The following ADAMTSL3 variants were observed in gnomAD, a reference collection of about 807,000 sequenced individuals.
ADAMTSL3 encodes the protein ADAMTS like 3, also known as ADAMTS-like protein 3.
Under a neutral mutation model 201.7 loss-of-function variants are expected in ADAMTSL3, and 128 were observed. The observed-to-expected ratio is 0.63, with a 90% CI of 0.55 to 0.73. The LOEUF (loss-of-function observed/expected upper bound fraction) is 0.73. Among genes scored for constraint, ADAMTSL3 ranks in the 30% least tolerant of loss-of-function variants. The probability of loss-of-function intolerance (pLI) is 0.00; values close to 1 mark genes in which losing one functional copy is unlikely to be tolerated. For synonymous variants in ADAMTSL3, 738 were observed against 748.4 expected (o/e 0.99, Z 0.23); for missense variants, 1,990 against 2,119.6 (o/e 0.94, Z 1.20).
chr15:83,856,744 C>T (rs60699858), intron 7 of ADAMTSL3, among the ~76,000 whole-genome samples: 15,563 of 152,148 alleles, frequency 0.1, 1,011 homozygotes, highest in East Asian at 0.34. Context: ...TTCCTTTCGT[C>T]TATTGGGAAT....
At chr15:83,656,410 A>G (rs958923700) in intron 2 of ADAMTSL3, among the ~76,000 whole-genome samples, 14 of 152,366 alleles carry the variant, frequency 9.2e-5, no homozygotes, top group Admixed American at 2.0e-4. Flanking sequence ...TAACGGAGAC[A>G]GTGGCAAAGT....
rs1305278827 is a variant in ADAMTSL3, at chr15:83,988,796, A to G, written c.3822A>G (p.Glu1274=). ...CTAATCATCTTGGTTCAGATGTGGA[A>G]AGTTCTTCTGTGCTGTATGCAGGTA... is the stretch of plus-strand genomic sequence containing the variant. ...SVANHLGSDV[E]SSSVLYAEAP... is the part of the protein sequence containing the mutation. The change falls in exon 22 of 30, where the codon GAA becomes GAG. Residue 1274 remains glutamate (E), a synonymous_variant. Coordinates refer to ENST00000286744, the MANE Select transcript of ADAMTSL3 (RefSeq NM_207517.3). 1.2e-6 allele frequency: 2 copies of G among 1,603,060 alleles called. No homozygotes were observed. The highest frequency in any genetic ancestry group is 3.3e-5 in the Admixed American group (2 of 59,880).
intron 15 of ADAMTSL3, among the ~76,000 whole-genome samples, chr15:83,911,782 T>C (rs2065939814): frequency 6.6e-6 from 1 of 152,216 alleles, no homozygotes; most frequent in Non-Finnish European, 1.5e-5. Flanking sequence ...TGTGAGAACC[T>C]TACAACCCTG....
chr15:83,784,789 C>CT (rs1379785074), intron 4 of ADAMTSL3, among the ~76,000 whole-genome samples: 1 of 147,130 alleles, frequency 6.8e-6, no homozygotes, highest in Non-Finnish European at 1.5e-5. Context: ...ATGATGATTA[C>CT]TTAGGCTTTT....
chr15:83,801,172 A>G (rs2063508503), intron 4 of ADAMTSL3, among the ~76,000 whole-genome samples: 1 of 152,220 alleles, frequency 6.6e-6, no homozygotes, highest in East Asian at 1.9e-4. Context: ...AGTGTTACAA[A>G]ATATTAAGAC....
chr15:84,030,697 G>A (rs2068391334), intron 27 of ADAMTSL3, among the ~76,000 whole-genome samples: 1 of 152,216 alleles, frequency 6.6e-6, no homozygotes, highest in South Asian at 2.1e-4. Flanking sequence ...CTTTTGAAAT[G>A]TGAAAGGGAC....
intron 4 of ADAMTSL3, among the ~76,000 whole-genome samples, chr15:83,795,709 T>C (rs2063414601): frequency 6.6e-6 from 1 of 152,202 alleles, no homozygotes; most frequent in Admixed American, 6.5e-5. Context: ...ATATTATATA[T>C]ATTACATTGA....
At chr15:83,657,711 C>T (rs1303592361) in intron 2 of ADAMTSL3, among the ~76,000 whole-genome samples, 1 of 152,196 alleles carries the variant, frequency 6.6e-6, no homozygotes, top group Non-Finnish European at 1.5e-5. Context: ...AAGCGCAGTG[C>T]CTGTATTTTC....
intron 2 of ADAMTSL3, among the ~76,000 whole-genome samples, chr15:83,668,692 T>C (rs1454864947): frequency 6.6e-6 from 1 of 151,986 alleles, no homozygotes; most frequent in Non-Finnish European, 1.5e-5. Context: ...TATTTTTGAC[T>C]TTTTTTTGAG....
At chr15:83,793,912 A>G (rs2063382121) in intron 4 of ADAMTSL3, among the ~76,000 whole-genome samples, 1 of 152,226 alleles carries the variant, frequency 6.6e-6, no homozygotes, top group African/African-American at 2.4e-5. Context: ...ATATTTGAAA[A>G]TCACCTAACA....
chr15:83,947,722 A>G (rs2066680162), intron 19 of ADAMTSL3, among the ~76,000 whole-genome samples: 1 of 152,004 alleles, frequency 6.6e-6, no homozygotes, highest in Non-Finnish European at 1.5e-5. Context: ...TCTTCTTCCA[A>G]ATCTCAAAAA....
At chr15:83,796,165 C>T (rs1567150516) in intron 4 of ADAMTSL3, among the ~76,000 whole-genome samples, 1 of 152,046 alleles carries the variant, frequency 6.6e-6, no homozygotes, top group African/African-American at 2.4e-5. Context: ...ACTGTCATTG[C>T]TTGTATTCAT....
intron 3 of ADAMTSL3, among the ~76,000 whole-genome samples, chr15:83,712,108 T>A (rs188647754): frequency 2.2e-4 from 34 of 152,320 alleles, no homozygotes; most frequent in Admixed American, 1.8e-3. Context: ...AGCCTTCAAG[T>A]GCTTTGAGAT....
intron 17 of ADAMTSL3, among the ~76,000 whole-genome samples, chr15:83,927,855 C>T (rs923810463): frequency 3.9e-5 from 6 of 152,102 alleles, no homozygotes; most frequent in Non-Finnish European, 8.8e-5. Context: ...TCCAGTCCCT[C>T]CACTAGCCAT....
intron 16 of ADAMTSL3, among the ~76,000 whole-genome samples, chr15:83,915,448 G>A (rs1440018002): frequency 1.3e-5 from 2 of 151,710 alleles, no homozygotes; most frequent in African/African-American, 4.8e-5. Flanking sequence ...CCACTGAGAT[G>A]GCCCTAGATT....
chr15:83,713,018 T>A (rs1214272145), intron 3 of ADAMTSL3, among the ~76,000 whole-genome samples: 1 of 152,128 alleles, frequency 6.6e-6, no homozygotes, highest in Non-Finnish European at 1.5e-5. Context: ...TCTCTCTACT[T>A]CTCCCAGGTG....
At chr15:83,809,425 A>G (rs1567159384) in intron 5 of ADAMTSL3, among the ~76,000 whole-genome samples, 1 of 152,184 alleles carries the variant, frequency 6.6e-6, no homozygotes, top group Admixed American at 6.5e-5. Context: ...ATCACAGCCC[A>G]CCTGCACCAA....
At position 83,954,803 on chromosome 15, in the gene ADAMTSL3, C is replaced by A. The variant is rs185099542; in HGVS notation, c.2490+11721C>A. Among the ~76,000 whole-genome samples, 66 of 152,336 alleles carry A rather than the reference C, an allele frequency of 4.3e-4. 1 individual carries two copies. The East Asian group carries it at 0.012, about 27-fold the overall frequency. ...ACCAGGAAGAGACTCTTGTTCTCTT[C>A]CTTTACTTTCTCCCAAACAAACAGC... On this transcript the variant is annotated intron_variant, in intron 19 of 29. Coordinates refer to ENST00000286744, the MANE Select transcript of ADAMTSL3 (RefSeq NM_207517.3).
intron 23 of ADAMTSL3, among the ~76,000 whole-genome samples, chr15:84,000,454 A>G (rs988527738): frequency 2.6e-5 from 4 of 152,172 alleles, no homozygotes; most frequent in East Asian, 3.9e-4. Flanking sequence ...CAAACAGCCA[A>G]TCATAGATGG....
Sources: allele counts gnomAD v4.1 joint callset (sites outside exome capture counted in the v4.1 genomes callset), GRCh38; gene constraint gnomAD v4.1.1; transcripts MANE v1.5; gene names NCBI Gene and HGNC (gene_info 2026-07-23, HGNC 2026-07-21).